SPINT2: variants seen among roughly 807,000 people sequenced by gnomAD.
The protein encoded by SPINT2 is kunitz-type protease inhibitor 2.
A neutral mutation model predicts 30.1 loss-of-function variants in SPINT2; 18 were observed. The observed-to-expected ratio is 0.60, with a 90% CI of 0.41 to 0.89. The LOEUF (loss-of-function observed/expected upper bound fraction) is 0.89, where lower values mean the gene tolerates loss of function less well. Among genes scored for constraint, SPINT2 ranks in the 40% least tolerant of loss-of-function variants. SPINT2 has a pLI of 0.00. For synonymous variants in SPINT2, 139 were observed against 137.9 expected, an observed-to-expected ratio of 1.01 and a Z score of -0.05; for missense variants, 276 against 334.3, an observed-to-expected ratio of 0.83 and a Z score of 1.36.
Position 38,290,437 on chromosome 19 carries a change from GAA to G in SPINT2, c.554-98_554-97del. ...AGAAAAGCTGGAAGAAAGCCCCTCA[GAA>G]AGAGCTCCCCATGGAGGCCCTGGCT... On this transcript the variant is annotated intron_variant, in intron 5 of 6. Coordinates refer to ENST00000301244, the MANE Select transcript of SPINT2 (RefSeq NM_021102.4). This position sits in a 1 kb window ranked among gnomAD's most constrained non-coding sequence, Gnocchi z 4.3. 6.2e-7 allele frequency: 1 copy of G among 1,606,640 alleles called. No individual in the cohort carries two copies. The highest frequency in any genetic ancestry group is 8.5e-7 in the Non-Finnish European group (1 of 1,176,050).
chr19:38,287,180 C>T (rs1296875583), intron 2 of SPINT2, among the ~76,000 whole-genome samples: 2 of 152,176 alleles, frequency 1.3e-5, no homozygotes, highest in Admixed American at 6.5e-5. Flanking sequence ...TCTGCCATCA[C>T]GCCTGGCTAA....
intron 3 of SPINT2, 175 bp downstream of exon 3, chr19:38,288,110 G>T: frequency 1.4e-6 from 1 of 712,734 alleles, no homozygotes; most frequent in Non-Finnish European, 2.5e-6. Flanking sequence ...ATCCTTATGG[G>T]GGAGTTTATA....
chr19:38,292,145 G>A lies in SPINT2; in HGVS notation c.*139G>A. 8.1e-7 allele frequency: 1 copy of A among 1,240,066 alleles called. No individual in the cohort carries two copies. The highest frequency in any genetic ancestry group is 1.1e-6 in the Non-Finnish European group (1 of 886,740). The allele number at this position is 1,240,066 out of a possible 1,614,324, so 76.8% of individuals were successfully genotyped here. On this transcript the variant is annotated 3_prime_UTR_variant, in exon 7 of 7. Transcript: ENST00000301244. ...TGGGAGGTAGGACGGCTGCTTCCTG[G>A]TCTGGCAGGGATGGGTTTGCTTTGG...
intron 4 of SPINT2, chr19:38,289,407 C>T: frequency 2.4e-6 from 1 of 412,228 alleles, no homozygotes; most frequent in Non-Finnish European, 4.6e-6. Context: ...TTGCTCAAAG[C>T]CTGGGAGGCG....
rs567780456 is a variant in SPINT2 at position 38,272,822 on chromosome 19, C to T, written c.106+7824C>T. 1.6e-4 allele frequency among the ~76,000 whole-genome samples: 24 copies of T among 152,238 alleles called. No individual in the cohort carries two copies. The East Asian group carries it at 3.1e-3, about 20-fold the overall frequency. On this transcript the variant is annotated intron_variant, in intron 1 of 6. Coordinates refer to ENST00000301244, the MANE Select transcript of SPINT2 (RefSeq NM_021102.4). ...GCAACCTCCACCTTCTGGGTTCAAG[C>T]GATTCTCCTGCCTCAGCCTCCTGAG...
intron 4 of SPINT2, chr19:38,289,778 C>T (rs1183648224): frequency 2.1e-5 from 8 of 382,752 alleles, no homozygotes; most frequent in South Asian, 1.6e-4. Context: ...CTCTCGCCAG[C>T]GGCTTGGCTG....
rs1193915252 is a variant in SPINT2, at chr19:38,290,601, G to GCCATCAGCCTGCCTCCTC, written c.592+29_592+46dup. 6.2e-7 allele frequency: 1 copy of GCCATCAGCCTGCCTCCTC among 1,612,068 alleles called. No homozygotes were observed. The highest frequency in any genetic ancestry group is 2.2e-5 in the East Asian group (1 of 44,814). On this transcript the variant is annotated intron_variant, in intron 6 of 6. Coordinates refer to ENST00000301244, the MANE Select transcript of SPINT2 (RefSeq NM_021102.4). The surrounding 1 kb of genome is among the most constrained non-coding windows in gnomAD (Gnocchi z 4.3). Reference sequence around the variant, plus strand: ...GTAAGTGGCCCCTTACCCTCCTCCTGCCATCAGCCTGCCTCCTCCCTTCCT... The same window carrying GCCATCAGCCTGCCTCCTC: ...GTAAGTGGCCCCTTACCCTCCTCCTGCCATCAGCCTGCCTCCTCCCATCAGCCTGCCTCCTCCCTTCCT...
intron 1 of SPINT2, among the ~76,000 whole-genome samples, chr19:38,277,001 C>T (rs1393845406): frequency 1.3e-5 from 2 of 151,622 alleles, no homozygotes; most frequent in African/African-American, 2.4e-5. Flanking sequence ...GGGGTTTCAC[C>T]ATATTGGCCA....
At chr19:38,289,411 G>A (rs540554199) in intron 4 of SPINT2, 11 of 442,852 alleles carry the variant, frequency 2.5e-5, no homozygotes, top group Admixed American at 6.3e-5. Context: ...TCAAAGCCTG[G>A]GAGGCGGAGG....
chr19:38,270,359 T>C (rs1007636204), intron 1 of SPINT2, among the ~76,000 whole-genome samples: 2 of 152,228 alleles, frequency 1.3e-5, no homozygotes, highest in Non-Finnish European at 2.9e-5. Context: ...CGAAATCTTA[T>C]TCACTGATAT....
chr19:38,281,319 TGGGA>T (rs1268265881), intron 1 of SPINT2, among the ~76,000 whole-genome samples: 5 of 151,616 alleles, frequency 3.3e-5, no homozygotes, highest in Admixed American at 1.3e-4. Context: ...GAGGCTGAGG[TGGGA>T]GGATCACTTG....
intron 1 of SPINT2, among the ~76,000 whole-genome samples, chr19:38,273,907 G>T (rs186188684): frequency 6.6e-6 from 1 of 152,024 alleles, no homozygotes; most frequent in Non-Finnish European, 1.5e-5. Context: ...AAATACAATC[G>T]TAAAGATACA....
intron 1 of SPINT2, among the ~76,000 whole-genome samples, chr19:38,279,098 A>G (rs950181602): frequency 1.3e-5 from 2 of 152,132 alleles, no homozygotes; most frequent in African/African-American, 4.8e-5. Context: ...GTGTCTTAAC[A>G]TAGTAAGGAC....
In SPINT2 at chr19:38,264,875, G is replaced by C; in HGVS notation, c.-18G>C. On this transcript the variant is annotated 5_prime_UTR_variant, in exon 1 of 7. Transcript: ENST00000301244. ...CAACGGCTGGTGGCGTCGCCTGCGC[G>C]TCTCGGCTGAGCTGGCCATGGCGCA... 1 of 1,532,428 alleles carries C rather than the reference G, an allele frequency of 6.5e-7. No homozygotes were observed. The highest frequency in any genetic ancestry group is 8.7e-7 in the Non-Finnish European group (1 of 1,144,988). The allele number at this position is 1,532,428 out of a possible 1,614,324, so 94.9% of individuals were successfully genotyped here.
At chr19:38,291,480 C>T (rs1600353725) in intron 6 of SPINT2, 3 of 270,576 alleles carry the variant, frequency 1.1e-5, no homozygotes, top group East Asian at 1.7e-4. Flanking sequence ...GTGTACACAC[C>T]GGTGCTAAGT....
At chr19:38,281,431 C>T (rs889243746) in intron 1 of SPINT2, among the ~76,000 whole-genome samples, 16 of 152,034 alleles carry the variant, frequency 1.1e-4, no homozygotes, top group African/African-American at 3.9e-4. Context: ...TTATATAGGC[C>T]GGGCGCGGTG....
intron 2 of SPINT2, among the ~76,000 whole-genome samples, chr19:38,286,147 G>A (rs1442918756): frequency 6.6e-6 from 1 of 152,208 alleles, no homozygotes. Context: ...TGCCAGGGCT[G>A]CTAGTGCCTG....
chr19:38,268,331 G>C (rs765499033), intron 1 of SPINT2, among the ~76,000 whole-genome samples: 44 of 152,122 alleles, frequency 2.9e-4, no homozygotes, highest in Non-Finnish European at 5.6e-4. Context: ...TCTAGCGTTA[G>C]GGACAGTTAC....
chr19:38,286,291 C>T (rs543526707), intron 2 of SPINT2, among the ~76,000 whole-genome samples: 2 of 152,254 alleles, frequency 1.3e-5, no homozygotes, highest in Admixed American at 1.3e-4. Flanking sequence ...TGTCCCCGGG[C>T]CCACGCCTTT....
Sources: gnomAD v4.1 joint callset for allele counts (sites outside exome capture counted in the v4.1 genomes callset) on GRCh38, gnomAD v4.1.1 for gene constraint, Gnocchi (gnomAD v3.1) non-coding constraint, MANE v1.5 for transcripts, NCBI Gene and HGNC (gene_info 2026-07-23, HGNC 2026-07-21) for gene names.